The following PLA2G4F variants were observed in gnomAD, a reference collection of about 807,000 sequenced individuals.
The protein encoded by PLA2G4F is cytosolic phospholipase A2 zeta.
PLA2G4F carries 105 observed loss-of-function variants against 103.1 expected under a neutral mutation model. That is an observed-to-expected ratio of 1.02 (90% confidence interval 0.87 to 1.20). PLA2G4F has a LOEUF of 1.20. Ranked by LOEUF, PLA2G4F falls within the 50% of genes most tolerant of loss-of-function variation. The pLI, the probability that PLA2G4F is intolerant of heterozygous loss-of-function variation, is 0.00. For synonymous variants in PLA2G4F, 468 were observed against 441.1 expected, an observed-to-expected ratio of 1.06 and a Z score of -0.76; for missense variants, 1,155 against 1,075.9, an observed-to-expected ratio of 1.07 and a Z score of -1.03.
Position 42,156,543 on chromosome 15 carries a change from A to G in PLA2G4F, c.7T>C (p.Trp3Arg), listed in dbSNP as rs1157389042. The change falls in exon 1 of 20, where the codon TGG (tryptophan) becomes CGG (arginine). Residue 3 changes from tryptophan to arginine, a missense_variant. Trp to Arg is a moderately radical substitution (Grantham distance 101). This residue lies in a region of PLA2G4F where 370 missense variants were observed against 364.9 expected (regional missense o/e 1.01). Transcript: ENST00000397272. Reference sequence around the variant, plus strand: ...GCCAGCCACCTTGGCCAGAGTGCCCAAAGCATGGCTGGGCAGCCCGGGCCC... The same window carrying G: ...GCCAGCCACCTTGGCCAGAGTGCCCGAAGCATGGCTGGGCAGCCCGGGCCC... ML[W>R]ALWPRWLADK... 2.8e-5 allele frequency: 43 copies of G among 1,548,912 alleles called. No homozygotes were observed. Among genetic ancestry groups the G allele is most frequent in the Non-Finnish European group, 3.8e-5 (43 of 1,145,818 alleles).
Position 42,152,724 on chromosome 15 carries a change from G to T in PLA2G4F, c.565C>A (p.Leu189Ile). 1.3e-6 allele frequency: 2 copies of T among 1,557,802 alleles called. No individual in the cohort carries two copies. The highest frequency in any genetic ancestry group is 1.7e-6 in the Non-Finnish European group (2 of 1,150,104). Residue 189 changes from leucine to isoleucine, a missense_variant, in exon 7 of 20, where the codon CTC becomes ATC. Transcript: ENST00000397272. The part of the protein sequence containing the change: ...AHPCLRIQGT[L>I]RGDGTAPREE... ...CGTGGGGCTGTCCCATCTCCCCGGA[G>T]CGTGCCCTGGATTCTCAGACAGGGG...
At chr15:42,148,071 T>A (rs1374328478) in intron 11 of PLA2G4F, among the ~76,000 whole-genome samples, 1 of 151,658 alleles carries the variant, frequency 6.6e-6, no homozygotes, top group Non-Finnish European at 1.5e-5. Context: ...TAGTCCCAGC[T>A]ATCTGGAGGC....
Position 42,141,703 on chromosome 15 carries a change from C to A in PLA2G4F, c.*281G>T, listed in dbSNP as rs1198302804. On this transcript the variant is annotated 3_prime_UTR_variant, in exon 20 of 20. Coordinates refer to ENST00000397272, the MANE Select transcript of PLA2G4F (RefSeq NM_213600.4). ...TCTGTGGCTCACCTGATTCTCTCCA[C>A]ACCCCGCTGTGAAATGAGTGCTGTT... is the stretch of plus-strand genomic sequence containing the variant. 2 of 561,622 alleles carry A rather than the reference C, an allele frequency of 3.6e-6. No individual in the cohort carries two copies. The highest frequency in any genetic ancestry group is 6.7e-6 in the Non-Finnish European group (2 of 296,446). 34.8% of individuals were successfully genotyped at this position (561,622 alleles called of 1,614,324 possible).
At chr15:42,150,289 C>A in intron 9 of PLA2G4F, 84 bp downstream of exon 9, 10 of 1,533,336 alleles carry the variant, frequency 6.5e-6, no homozygotes, top group Non-Finnish European at 8.9e-6. Flanking sequence ...GATCCAGCCA[C>A]CCTCTTGGGT....
chr15:42,155,642 C>T (rs776415084), intron 1 of PLA2G4F, 53 bp from the exon 2 acceptor site: 19 of 1,551,406 alleles, frequency 1.2e-5, no homozygotes, highest in Admixed American at 1.7e-5. Flanking sequence ...CCTGGTCCCT[C>T]GCCCCATTGT....
intron 6 of PLA2G4F, 74 bp from the exon 7 acceptor site, chr15:42,152,828 T>G (rs889610081): frequency 2.1e-5 from 30 of 1,409,402 alleles, no homozygotes; most frequent in African/African-American, 2.9e-5. Flanking sequence ...GAGGAGTGCC[T>G]AGGGCAGGGT....
intron 7 of PLA2G4F, chr15:42,151,495 C>T (rs997363113): frequency 2.0e-6 from 2 of 985,148 alleles, no homozygotes; most frequent in African/African-American, 1.7e-5. Flanking sequence ...GGGCCGCAGA[C>T]AGCCTCCCAG....
intron 6 of PLA2G4F, 83 bp from the exon 7 acceptor site, chr15:42,152,837 G>A (rs2140814508): frequency 5.1e-6 from 7 of 1,367,260 alleles, no homozygotes; most frequent in Non-Finnish European, 6.0e-6. Context: ...CTAGGGCAGG[G>A]TCTGGGAAAC....
rs369240112 is a variant in PLA2G4F at position 42,144,131 on chromosome 15, G to A, written c.1989C>T (p.Asp663=). Residue 663 remains aspartate (D), a synonymous_variant, in exon 18 of 20, where the codon GAC becomes GAT. Transcript: ENST00000397272. ...TGGGGGTGAGCTGGTTGGGGAAGGC[G>A]TCCGGGTGTGTGTCTGCAAGGAACC... ...EFVAWKDTHP[D]AFPNQLTPMR... 4.3e-5 allele frequency: 69 copies of A among 1,609,904 alleles called. No homozygotes were observed. Among genetic ancestry groups the A allele is most frequent in the African/African-American group, 9.4e-5 (7 of 74,742 alleles).
intron 18 of PLA2G4F, among the ~76,000 whole-genome samples, chr15:42,143,176 TAAAAAAAAAAAAAAAAAA>T (rs56171986): frequency 1.1e-5 from 1 of 89,698 alleles, no homozygotes; most frequent in East Asian, 2.6e-4. Flanking sequence ...AGACTCCATC[TAAAAAAAAAAAAAAAAAA>T]AAAAAAAAAA....
intron 6 of PLA2G4F, 104 bp downstream of exon 6, chr15:42,153,196 G>A (rs2048976842): frequency 3.0e-6 from 4 of 1,325,966 alleles, no homozygotes; most frequent in Non-Finnish European, 3.1e-6. Context: ...CCTCCGAGGA[G>A]GGCTTGGGTG....
chr15:42,142,515 G>A lies in PLA2G4F; in HGVS notation c.2329+13C>T. ...GCTCTGTGGGTCAGTCCCAGGCCTG[G>A]AGCTTCCCTTACCTGGGGCCAGGTG... On this transcript the variant is annotated intron_variant, in intron 19 of 19. Transcript: ENST00000397272. 6.2e-7 allele frequency: 1 copy of A among 1,608,816 alleles called. No homozygotes were observed. Among genetic ancestry groups the A allele is most frequent in the Non-Finnish European group, 8.5e-7 (1 of 1,176,562 alleles).
In PLA2G4F at chr15:42,149,701, TC is replaced by T; in HGVS notation, c.1059+11del. 6.2e-7 allele frequency: 1 copy of T among 1,613,986 alleles called. No individual in the cohort carries two copies. The highest frequency in any genetic ancestry group is 8.5e-7 in the Non-Finnish European group (1 of 1,179,942). On this transcript the variant is annotated intron_variant, in intron 11 of 19. Coordinates refer to ENST00000397272, the MANE Select transcript of PLA2G4F (RefSeq NM_213600.4). ...AGAGGCTCTGGGGTCCAGCTCCTCCTCCATTACGTACCTGGCCACTGTCCAG... is the reference window on the plus strand; with the variant it reads ...AGAGGCTCTGGGGTCCAGCTCCTCCTCATTACGTACCTGGCCACTGTCCAG...
At chr15:42,143,228 G>GAAGATTAAC (rs1220831701) in intron 18 of PLA2G4F, among the ~76,000 whole-genome samples, 9 of 141,482 alleles carry the variant, frequency 6.4e-5, no homozygotes, top group African/African-American at 2.4e-4. Flanking sequence ...GTGGTGTTGT[G>GAAGATTAAC]AAGATTAACA....
chr15:42,144,199 A>G, intron 17 of PLA2G4F, 55 bp from the exon 18 acceptor site: 1 of 1,533,298 alleles, frequency 6.5e-7, no homozygotes, highest in South Asian at 1.2e-5. Flanking sequence ...CTTGCTAGCA[A>G]CCGCTTCTGT....
chr15:42,144,065 G>A lies in PLA2G4F; in HGVS notation c.2055C>T (p.Ile685=). Residue 685 remains isoleucine (I), a synonymous_variant, in exon 18 of 20, where the codon ATC becomes ATT. Transcript: ENST00000397272. ...GCAGAGCCAGTGGGAACGGAGAGTT[G>A]ATGGCAAAGCCTCCGTCCACCAGGT... ...CLYLVDGGFA[I]NSPFPLALLP... 6.2e-7 allele frequency: 1 copy of A among 1,614,042 alleles called. No homozygotes were observed. The highest frequency in any genetic ancestry group is 8.5e-7 in the Non-Finnish European group (1 of 1,179,950).
In PLA2G4F at chr15:42,145,909, G is replaced by A. The variant is rs1209363848; in HGVS notation, c.1535-6C>T. ...GGGCGTGAACTCGCACCACTCTAGG[G>A]GCCCGAGTGAAGGGAAAGTCACCAG... On this transcript the variant is annotated splice_polypyrimidine_tract_variant and splice_region_variant and intron_variant, in intron 14 of 19. Transcript: ENST00000397272. The A allele has an allele frequency of 6.2e-7, 1 of 1,613,456 alleles. No homozygotes were observed.
chr15:42,147,699 T>G lies in PLA2G4F; in HGVS notation c.1123A>C (p.Ser375Arg). ...CCGAGCTCCTGCAACCCTGCCAGGC[T>G]GCCGTACAGAGAAGACATGGCTCGG... ...GTRAMSSLYG[S>R]LAGLQELGLL... Residue 375 changes from serine (S) to arginine (R), a missense_variant, in exon 12 of 20, where the codon AGC becomes CGC. Ser to Arg is a moderately radical substitution (Grantham distance 110). Around this residue, in one of 3 missense-constraint regions of PLA2G4F, gnomAD observed 782 missense variants for 692.9 expected, o/e 1.13. Coordinates refer to ENST00000397272, the MANE Select transcript of PLA2G4F (RefSeq NM_213600.4). 1 of 1,614,096 alleles carries G rather than the reference T, an allele frequency of 6.2e-7. No individual in the cohort carries two copies. The highest frequency in any genetic ancestry group is 8.5e-7 in the Non-Finnish European group (1 of 1,180,012).
In PLA2G4F at chr15:42,145,914, G is replaced by A. The variant is rs200161525; in HGVS notation, c.1535-11C>T. On this transcript the variant is annotated splice_polypyrimidine_tract_variant and intron_variant, in intron 14 of 19. Coordinates refer to ENST00000397272, the MANE Select transcript of PLA2G4F (RefSeq NM_213600.4). The stretch of plus-strand genomic sequence containing the variant: ...TGAACTCGCACCACTCTAGGGGCCC[G>A]AGTGAAGGGAAAGTCACCAGGGGCT... 70 of 1,613,032 alleles carry A rather than the reference G, an allele frequency of 4.3e-5. No individual in the cohort carries two copies. Among genetic ancestry groups the A allele is most frequent in the East Asian group, 4.2e-4 (19 of 44,858 alleles).
Sources: allele counts gnomAD v4.1 joint callset (sites outside exome capture counted in the v4.1 genomes callset), GRCh38; gene constraint gnomAD v4.1.1; regional missense constraint gnomAD v4.1.1; transcripts MANE v1.5; gene names NCBI Gene and HGNC (gene_info 2026-07-23, HGNC 2026-07-21).